The following NEK10 variants were observed in gnomAD, a reference collection of about 807,000 sequenced individuals.
NEK10 encodes the protein NIMA related kinase 10, also known as serine/threonine-protein kinase Nek10.
Under a neutral mutation model 159.8 loss-of-function variants are expected in NEK10, and 122 were observed. The observed-to-expected ratio is 0.76, with a 90% CI of 0.66 to 0.89. NEK10 has a LOEUF of 0.89. Among genes scored for constraint, NEK10 ranks in the 40% least tolerant of loss-of-function variants. NEK10 has a pLI of 0.00. For synonymous variants in NEK10, 466 were observed against 457.1 expected (o/e 1.02, Z -0.25); for missense variants, 1,342 against 1,323.1 (o/e 1.01, Z -0.22).
In NEK10 at chr3:27,263,515, G is replaced by A. The variant is rs540517246; in HGVS notation, c.2015-7144C>T. Among the ~76,000 whole-genome samples the A allele has an allele frequency of 1.8e-3, 268 of 152,268 alleles. 1 individual carries two copies. Among genetic ancestry groups the A allele is most frequent in the Non-Finnish European group, 5.1e-4 (35 of 68,026 alleles). On this transcript the variant is annotated intron_variant, in intron 22 of 35. Coordinates refer to ENST00000691995, the MANE Select transcript of NEK10 (RefSeq NM_001394966.1). ...GTTTACCTACTCAAGCCTCGGCAAT[G>A]GCAGGCACCCCTCCCCCAGCCTCGC...
chr3:27,285,008 G>T, intron 20 of NEK10, 47 bp from the exon 21 acceptor site: 3 of 1,485,876 alleles, frequency 2.0e-6, no homozygotes, highest in South Asian at 2.5e-5. Flanking sequence ...CTCAATACAG[G>T]CATCTTGAAA....
chr3:27,229,031 C>G (rs1380638902), intron 23 of NEK10, among the ~76,000 whole-genome samples: 2 of 152,104 alleles, frequency 1.3e-5, no homozygotes, highest in Non-Finnish European at 2.9e-5. Context: ...GGGATACCCC[C>G]CCTACTGGCC....
intron 23 of NEK10, among the ~76,000 whole-genome samples, chr3:27,228,416 A>T (rs1489016896): frequency 6.6e-6 from 1 of 152,098 alleles, no homozygotes; most frequent in Non-Finnish European, 1.5e-5. Flanking sequence ...CTATTTTCTC[A>T]GTGGTCCAAA....
chr3:27,135,604 T>C (rs1384811510), intron 31 of NEK10, among the ~76,000 whole-genome samples: 1 of 152,234 alleles, frequency 6.6e-6, no homozygotes, highest in Non-Finnish European at 1.5e-5. Context: ...ATCAGAAGAC[T>C]ATCCATTGTT....
At chr3:27,266,972 T>A (rs1308082958) in intron 22 of NEK10, among the ~76,000 whole-genome samples, 1 of 152,172 alleles carries the variant, frequency 6.6e-6, no homozygotes, top group Non-Finnish European at 1.5e-5. Context: ...CAACATACCA[T>A]GAAATTCTGC....
At chr3:27,299,772 G>A (rs1459219589) in intron 13 of NEK10, among the ~76,000 whole-genome samples, 2 of 152,214 alleles carry the variant, frequency 1.3e-5, no homozygotes, top group Non-Finnish European at 2.9e-5. Context: ...AGATCATTTT[G>A]GAGCTTTAAG....
intron 26 of NEK10, among the ~76,000 whole-genome samples, chr3:27,190,850 C>T (rs1040266954): frequency 3.9e-5 from 6 of 152,104 alleles, no homozygotes; most frequent in African/African-American, 1.4e-4. Context: ...AAATAAAAAG[C>T]AAAGTGAGCT....
intron 31 of NEK10, among the ~76,000 whole-genome samples, chr3:27,139,785 C>T (rs755282438): frequency 6.6e-6 from 1 of 152,164 alleles, no homozygotes; most frequent in Non-Finnish European, 1.5e-5. Context: ...GAGACGGGCT[C>T]ATTGGGGTAG....
At chr3:27,366,897 C>T (rs577595469) in intron 1 of NEK10, among the ~76,000 whole-genome samples, 3 of 150,422 alleles carry the variant, frequency 2.0e-5, no homozygotes, top group South Asian at 4.2e-4. Context: ...CTGCAACCTC[C>T]GCCTCCCGGT....
rs76905649 is a variant in NEK10 at position 27,122,747 on chromosome 3, G to T, written c.3082-2879C>A. On this transcript the variant is annotated intron_variant, in intron 32 of 35. Coordinates refer to ENST00000691995, the MANE Select transcript of NEK10 (RefSeq NM_001394966.1). ...TAAGTTTATACCTTGGAATTCTAAA[G>T]ATTTCAAAGACAGAAAGATATTTAA... Among the ~76,000 whole-genome samples the T allele has an allele frequency of 9.3e-4, 141 of 152,160 alleles. 1 individual carries two copies. The East Asian group carries it at 0.021, about 23-fold the overall frequency.
chr3:27,239,366 A>G (rs930611421), intron 23 of NEK10, among the ~76,000 whole-genome samples: 1 of 152,166 alleles, frequency 6.6e-6, no homozygotes, highest in African/African-American at 2.4e-5. Context: ...ATTTTCCCAA[A>G]TTGGCTGGAG....
chr3:27,165,794 C>T (rs982836829), intron 29 of NEK10, among the ~76,000 whole-genome samples: 5 of 152,140 alleles, frequency 3.3e-5, no homozygotes, highest in Non-Finnish European at 5.9e-5. Flanking sequence ...GAATTAGCAT[C>T]GTAATTTTTT....
chr3:27,293,868 T>C (rs1559447891), intron 15 of NEK10, among the ~76,000 whole-genome samples: 1 of 152,220 alleles, frequency 6.6e-6, no homozygotes, highest in Non-Finnish European at 1.5e-5. Context: ...CAGGGAATAT[T>C]GGCCTTGCTT....
intron 28 of NEK10, among the ~76,000 whole-genome samples, chr3:27,172,986 A>G (rs1204158503): frequency 1.3e-5 from 2 of 152,162 alleles, no homozygotes; most frequent in African/African-American, 4.8e-5. Flanking sequence ...CATTCAAGAA[A>G]CAAACATGGC....
intron 26 of NEK10, among the ~76,000 whole-genome samples, chr3:27,175,587 C>A (rs1358650005): frequency 6.6e-6 from 1 of 152,102 alleles, no homozygotes; most frequent in Non-Finnish European, 1.5e-5. Context: ...AAGAGAAAGA[C>A]CGTGCGGAAG....
intron 23 of NEK10, among the ~76,000 whole-genome samples, chr3:27,250,127 T>G (rs1955498679): frequency 6.6e-6 from 1 of 152,180 alleles, no homozygotes; most frequent in African/African-American, 2.4e-5. Flanking sequence ...TTACTTAAGC[T>G]AACAGTAGTT....
chr3:27,290,580 T>A, intron 19 of NEK10, 37 bp downstream of exon 19: 1 of 1,495,544 alleles, frequency 6.7e-7, no homozygotes, highest in Non-Finnish European at 9.1e-7. Flanking sequence ...GACATGTATT[T>A]AAGAAAAACA....
At chr3:27,255,610 A>G (rs184080125) in intron 23 of NEK10, among the ~76,000 whole-genome samples, 1 of 152,296 alleles carries the variant, frequency 6.6e-6, no homozygotes, top group East Asian at 1.9e-4. Context: ...TGCTAATTTC[A>G]GCAGATTCAG....
intron 1 of NEK10, among the ~76,000 whole-genome samples, chr3:27,360,764 T>C (rs1403470043): frequency 6.6e-6 from 1 of 152,200 alleles, no homozygotes; most frequent in African/African-American, 2.4e-5. Context: ...TTAATCATCA[T>C]AGAGTGGTAA....
Sources: gnomAD v4.1 joint callset for allele counts (sites outside exome capture counted in the v4.1 genomes callset) on GRCh38, gnomAD v4.1.1 for gene constraint, MANE v1.5 for transcripts, NCBI Gene and HGNC (gene_info 2026-07-23, HGNC 2026-07-21) for gene names.